TNFAIP8L3: variants seen among roughly 807,000 people sequenced by gnomAD.
The protein encoded by TNFAIP8L3 is tumor necrosis factor alpha-induced protein 8-like protein 3.
In TNFAIP8L3, 7 loss-of-function variants were observed where a neutral mutation model predicts 11.8. That is an observed-to-expected ratio of 0.59 (90% CI 0.34 to 1.11). TNFAIP8L3 has a LOEUF of 1.11. Ranked by LOEUF, TNFAIP8L3 falls within the 50% of genes most tolerant of loss-of-function variation. The pLI is 0.03. For missense variants in TNFAIP8L3, 219 were observed against 258.6 expected (o/e 0.85, Z 1.05); for synonymous variants, 98 against 103.8 (o/e 0.94, Z 0.34).
intron 1 of TNFAIP8L3, among the ~76,000 whole-genome samples, chr15:51,085,447 C>T (rs770183461): frequency 3.9e-5 from 6 of 152,240 alleles, no homozygotes; most frequent in Non-Finnish European, 2.9e-5. Context: ...CCCTGGGCAA[C>T]GTGCTAGCGT....
At chr15:51,085,185 T>C (rs552029854) in intron 1 of TNFAIP8L3, among the ~76,000 whole-genome samples, 1 of 141,860 alleles carries the variant, frequency 7.0e-6, no homozygotes, top group African/African-American at 2.6e-5. Context: ...CCAGTTTCTT[T>C]ACAATAAAAA....
intron 1 of TNFAIP8L3, among the ~76,000 whole-genome samples, chr15:51,067,961 A>AC (rs1567288226): frequency 6.6e-6 from 1 of 152,276 alleles, no homozygotes; most frequent in Non-Finnish European, 1.5e-5. Context: ...TGGGCCATCT[A>AC]CATTTCAAAA....
intron 1 of TNFAIP8L3, among the ~76,000 whole-genome samples, chr15:51,065,433 C>T (rs1330217363): frequency 6.6e-6 from 1 of 152,200 alleles, no homozygotes; most frequent in Admixed American, 6.5e-5. Context: ...TTCTAGAAAA[C>T]ACTAAGCTCT....
intron 1 of TNFAIP8L3, among the ~76,000 whole-genome samples, chr15:51,062,987 C>T (rs1386592150): frequency 6.6e-6 from 1 of 152,046 alleles, no homozygotes; most frequent in Admixed American, 6.6e-5. Flanking sequence ...TGGTGGCTGG[C>T]TCTGAAGATG....
intron 1 of TNFAIP8L3, among the ~76,000 whole-genome samples, chr15:51,075,358 A>G (rs1376857877): frequency 1.3e-5 from 2 of 152,294 alleles, no homozygotes; most frequent in East Asian, 3.9e-4. Context: ...GTTCAGTTCC[A>G]GCAGTAAACC....
chr15:51,089,358 A>G (rs980863678), intron 1 of TNFAIP8L3, among the ~76,000 whole-genome samples: 4 of 152,218 alleles, frequency 2.6e-5, no homozygotes, highest in African/African-American at 9.7e-5. Context: ...AAGCTAACTA[A>G]CAGTCCAGCA....
Position 51,105,203 on chromosome 15 carries a change from A to G in TNFAIP8L3, c.-27T>C, listed in dbSNP as rs369864396. On this transcript the variant is annotated 5_prime_UTR_variant, in exon 1 of 3. Coordinates refer to the TNFAIP8L3 transcript ENST00000327536. ...TGGACTCAGGTGTCCTTCTTGGGAC[A>G]GTAGCCCTAACTTGCACACTGACTC... is the stretch of plus-strand genomic sequence containing the variant. 2.5e-5 allele frequency: 40 copies of G among 1,610,014 alleles called. No homozygotes were observed. In the African/African-American group the frequency reaches 4.3e-4, roughly 17 times the overall value.
intron 1 of TNFAIP8L3, among the ~76,000 whole-genome samples, chr15:51,086,044 T>C (rs942568913): frequency 6.6e-6 from 1 of 152,220 alleles, no homozygotes; most frequent in Non-Finnish European, 1.5e-5. Context: ...CTCTCACCTT[T>C]TGAATTTTCT....
intron 1 of TNFAIP8L3, among the ~76,000 whole-genome samples, chr15:51,058,863 A>T (rs1335016118): frequency 7.2e-5 from 11 of 152,380 alleles, no homozygotes; most frequent in Non-Finnish European, 7.3e-5. Context: ...ATGTAGCCCC[A>T]TTGTCAACCC....
intron 1 of TNFAIP8L3, among the ~76,000 whole-genome samples, chr15:51,101,945 CAA>C (rs11297566): frequency 0.046 from 3,968 of 85,670 alleles, 37 homozygotes; most frequent in Non-Finnish European, 0.05. Flanking sequence ...GACTCTGTCT[CAA>C]AAAAAAAAAA....
intron 1 of TNFAIP8L3, among the ~76,000 whole-genome samples, chr15:51,099,934 CG>C (rs1433123513): frequency 6.6e-6 from 1 of 152,062 alleles, no homozygotes; most frequent in Non-Finnish European, 1.5e-5. Context: ...GAGTTGATTC[CG>C]GAAATAACCA....
At chr15:51,101,718 G>A (rs1161722103) in intron 1 of TNFAIP8L3, among the ~76,000 whole-genome samples, 2 of 151,968 alleles carry the variant, frequency 1.3e-5, no homozygotes, top group Admixed American at 1.3e-4. Context: ...AGGCCAAGGT[G>A]GGCGGATCAT....
Position 51,058,184 on chromosome 15 carries a change from A to G in TNFAIP8L3, c.312T>C (p.Ile104=). The G allele has an allele frequency of 6.2e-7, 1 of 1,614,238 alleles. No homozygotes were observed. Among genetic ancestry groups the G allele is most frequent in the African/African-American group, 1.3e-5 (1 of 75,054 alleles). Residue 104 remains isoleucine, a synonymous_variant, in exon 2 of 2, where the codon ATT becomes ATC. Coordinates refer to ENST00000637513, the MANE Select transcript of TNFAIP8L3 (RefSeq NM_001311175.2). The stretch of plus-strand genomic sequence containing the variant: ...TCAGCTTCTTCCGGAACTTCTCCAC[A>G]ATAACCAGCTCCTCTTGGCTAAACT... ...NNQFSQEELV[I]VEKFRKKLNQ...
chr15:51,076,511 G>A lies in TNFAIP8L3; in HGVS notation c.52+18033C>T, dbSNP rs528751875. Among the ~76,000 whole-genome samples, 110 of 152,248 alleles carry A rather than the reference G, an allele frequency of 7.2e-4. No individual in the cohort carries two copies. In the South Asian group the frequency reaches 0.022, roughly 31 times the overall value. On this transcript the variant is annotated intron_variant, in intron 1 of 1. Transcript: ENST00000637513. ...AAGAATAGAATTTTTTATACTTCAT[G>A]GTAACGTAAAGAAGTACCACCAAAA... is the stretch of plus-strand genomic sequence containing the variant.
intron 1 of TNFAIP8L3, among the ~76,000 whole-genome samples, chr15:51,092,012 TAC>T (rs2065474812): frequency 6.6e-6 from 1 of 152,228 alleles, no homozygotes; most frequent in Non-Finnish European, 1.5e-5. Context: ...ATCCTCATTT[TAC>T]AGAGTGGGAA....
chr15:51,068,194 A>G (rs2065284004), intron 1 of TNFAIP8L3, among the ~76,000 whole-genome samples: 2 of 152,294 alleles, frequency 1.3e-5, no homozygotes, highest in South Asian at 4.1e-4. Flanking sequence ...TTCAGGGATG[A>G]GTCAAGGATG....
chr15:51,068,034 C>G (rs540303037), intron 1 of TNFAIP8L3, among the ~76,000 whole-genome samples: 2 of 152,244 alleles, frequency 1.3e-5, no homozygotes, highest in Non-Finnish European at 2.9e-5. Flanking sequence ...AGATATTTCC[C>G]GAAGGCAGTA....
chr15:51,063,840 G>A (rs2065254189), intron 1 of TNFAIP8L3, among the ~76,000 whole-genome samples: 1 of 152,208 alleles, frequency 6.6e-6, no homozygotes, highest in African/African-American at 2.4e-5. Context: ...GGGCTCTGAA[G>A]GTGGATTTGC....
intron 1 of TNFAIP8L3, among the ~76,000 whole-genome samples, chr15:51,081,124 C>T (rs1242735465): frequency 6.6e-6 from 1 of 152,146 alleles, no homozygotes; most frequent in African/African-American, 2.4e-5. Flanking sequence ...CTGCCTTAGT[C>T]CCTCTAACAC....
Sources: gnomAD v4.1 joint callset for allele counts (sites outside exome capture counted in the v4.1 genomes callset) on GRCh38, gnomAD v4.1.1 for gene constraint, MANE v1.5 for transcripts, NCBI Gene and HGNC (gene_info 2026-07-23, HGNC 2026-07-21) for gene names.